RABGEF1: variants seen among roughly 807,000 people sequenced by gnomAD.
RABGEF1 encodes the protein rab5 GDP/GTP exchange factor.
RABGEF1 carries 26 observed loss-of-function variants against 57.3 expected under a neutral mutation model. That is an observed-to-expected ratio of 0.45 (90% CI 0.33 to 0.63). The LOEUF (loss-of-function observed/expected upper bound fraction) is 0.63. RABGEF1 is among the 20% of genes least tolerant of loss of function. RABGEF1 has a pLI of 0.02. For synonymous variants in RABGEF1, 185 were observed against 210.7 expected (o/e 0.88, Z 1.06); for missense variants, 464 against 607.6 (o/e 0.76, Z 2.48).
At chr7:66,801,237 TTTTG>T (rs990872677) in intron 7 of RABGEF1, among the ~76,000 whole-genome samples, 6 of 152,136 alleles carry the variant, frequency 3.9e-5, no homozygotes, top group Admixed American at 1.3e-4. Context: ...TTTCTTTCTG[TTTTG>T]TTTAATTTTT....
chr7:66,680,955 C>T (rs1584566767), upstream of RABGEF1, among the ~76,000 whole-genome samples: 1 of 152,026 alleles, frequency 6.6e-6, no homozygotes, highest in Non-Finnish European at 1.5e-5. Context: ...TGGTGGCGGG[C>T]GCCTATAATT....
At chr7:66,732,915 G>A (rs1377821813) in intron 2 of RABGEF1, among the ~76,000 whole-genome samples, 1 of 152,118 alleles carries the variant, frequency 6.6e-6, no homozygotes, top group Non-Finnish European at 1.5e-5. Context: ...CCCCAGGCTC[G>A]CCCTGCTTCT....
Position 66,772,790 on chromosome 7 carries a change from T to G in RABGEF1, c.179+712T>G, listed in dbSNP as rs553467008. 3.3e-5 allele frequency among the ~76,000 whole-genome samples: 5 copies of G among 152,076 alleles called. No homozygotes were observed. The East Asian group carries it at 7.8e-4, about 24-fold the overall frequency. On this transcript the variant is annotated intron_variant, in intron 2 of 8. Transcript: ENST00000284957. ...AGCCGGGCATGGTGGTACGCATTTGTTATCCCAGCTACTTGGGAGACTGAG... is the reference window on the plus strand; with the variant it reads ...AGCCGGGCATGGTGGTACGCATTTGGTATCCCAGCTACTTGGGAGACTGAG...
chr7:66,747,433 A>G (rs1800515468), intron 1 of RABGEF1, among the ~76,000 whole-genome samples: 1 of 152,118 alleles, frequency 6.6e-6, no homozygotes, highest in African/African-American at 2.4e-5. Flanking sequence ...TTGTACAAAG[A>G]CCTTATGAAC....
In RABGEF1 at chr7:66,697,645, C is replaced by T. The variant is rs560679289; in HGVS notation, c.-872-14522C>T. On this transcript the variant is annotated intron_variant and NMD_transcript_variant, in intron 1 of 9. Transcript: ENST00000607882. ...GTAGGCAGGATATTCTTGGCCTCAC[C>T]ATTCACTGAGGATTAGCAGGGCGGG... Among the ~76,000 whole-genome samples the T allele has an allele frequency of 3.3e-5, 5 of 152,260 alleles. No homozygotes were observed. In the East Asian group the frequency reaches 9.7e-4, roughly 30 times the overall value.
At chr7:66,759,208 C>G (rs1382344537) in intron 1 of RABGEF1, among the ~76,000 whole-genome samples, 1 of 152,186 alleles carries the variant, frequency 6.6e-6, no homozygotes, top group Non-Finnish European at 1.5e-5. Context: ...TTTCGTAATT[C>G]GTTCGAGGCT....
the RABGEF1 span, among the ~76,000 whole-genome samples, chr7:66,674,499 C>T: frequency 1.3e-5 from 2 of 152,070 alleles, no homozygotes; most frequent in African/African-American, 2.4e-5. Flanking sequence ...AAAGGTCTTA[C>T]ATAGGAATGT....
chr7:66,754,279 G>A (rs1294381962), intron 1 of RABGEF1, among the ~76,000 whole-genome samples: 1 of 152,088 alleles, frequency 6.6e-6, no homozygotes, highest in Non-Finnish European at 1.5e-5. Flanking sequence ...TGGGATTACA[G>A]GCCTGAGCCA....
At chr7:66,753,732 A>G (rs1802018040) in intron 1 of RABGEF1, among the ~76,000 whole-genome samples, 1 of 115,860 alleles carries the variant, frequency 8.6e-6, no homozygotes, top group African/African-American at 3.1e-5. Flanking sequence ...TTTGAGACAG[A>G]GTCTCACACT....
intron 1 of RABGEF1, among the ~76,000 whole-genome samples, chr7:66,758,563 C>T (rs1369293539): frequency 6.6e-6 from 1 of 152,188 alleles, no homozygotes; most frequent in Admixed American, 6.5e-5. Flanking sequence ...TGGTTACTGT[C>T]TAGGGACAGG....
chr7:66,800,842 G>A (rs966772516), intron 7 of RABGEF1, among the ~76,000 whole-genome samples: 4 of 152,184 alleles, frequency 2.6e-5, no homozygotes, highest in African/African-American at 4.8e-5. Flanking sequence ...AGCTGGTAGC[G>A]AGTGTTTGTG....
At position 66,805,451 on chromosome 7, in the gene RABGEF1, G is replaced by A; in HGVS notation, c.1077+55G>A. The A allele has an allele frequency of 1.9e-6, 3 of 1,600,842 alleles. No individual in the cohort carries two copies. The South Asian group carries it at 3.3e-5, about 18-fold the overall frequency. ...GAAGGACTAGGAAGGTGGTGGTTTT[G>A]GGGATGTGACAGGTCACTTAGGCCC... is the stretch of plus-strand genomic sequence containing the variant. On this transcript the variant is annotated intron_variant, in intron 8 of 8. Transcript: ENST00000284957.
intron 2 of RABGEF1, among the ~76,000 whole-genome samples, chr7:66,724,180 T>C (rs1257578359): frequency 1.3e-5 from 2 of 152,148 alleles, no homozygotes; most frequent in Non-Finnish European, 2.9e-5. Flanking sequence ...TGTCATGTTA[T>C]TGTCCTCTAG....
At chr7:66,750,733 C>T (rs1801214883) in intron 1 of RABGEF1, among the ~76,000 whole-genome samples, 1 of 152,190 alleles carries the variant, frequency 6.6e-6, no homozygotes, top group Non-Finnish European at 1.5e-5. Context: ...GCCAGTTGGA[C>T]TACAGGTCCA....
chr7:66,657,637 A>G, the RABGEF1 span, among the ~76,000 whole-genome samples: 8 of 152,216 alleles, frequency 5.3e-5, no homozygotes, highest in Non-Finnish European at 1.2e-4. Flanking sequence ...TCTAACCAAC[A>G]TGGCAAAAGC....
At chr7:66,755,700 C>T (rs1014901471) in intron 1 of RABGEF1, among the ~76,000 whole-genome samples, 8 of 152,062 alleles carry the variant, frequency 5.3e-5, no homozygotes, top group Non-Finnish European at 7.4e-5. Context: ...TAATTTTGAG[C>T]TGTTATTCCG....
At chr7:66,765,380 T>C (rs1411030249) in intron 1 of RABGEF1, among the ~76,000 whole-genome samples, 4 of 152,150 alleles carry the variant, frequency 2.6e-5, no homozygotes, top group Non-Finnish European at 1.5e-5. Context: ...GTATGCCAAG[T>C]AATCCACAGA....
chr7:66,748,918 C>A, intron 1 of RABGEF1: 1 of 243,844 alleles, frequency 4.1e-6, no homozygotes. Flanking sequence ...TGGTTCTGGG[C>A]ACTCTCCAAA....
intron 2 of RABGEF1, among the ~76,000 whole-genome samples, chr7:66,717,321 C>G (rs1166402983): frequency 2.0e-5 from 3 of 152,176 alleles, no homozygotes; most frequent in Admixed American, 1.3e-4. Flanking sequence ...TTCCTTTCCC[C>G]TGTCCTTACT....
Sources: allele counts gnomAD v4.1 joint callset (sites outside exome capture counted in the v4.1 genomes callset), GRCh38; gene constraint gnomAD v4.1.1; transcripts MANE v1.5; gene names NCBI Gene and HGNC (gene_info 2026-07-23, HGNC 2026-07-21).